Variants in KRABD4 observed in about 807,000 individuals in gnomAD.
KRABD4 encodes KRAB domain-containing protein 4.
chrX:46,456,133 G>T, the KRABD4 span: 118 of 270,807 alleles, frequency 4.4e-4, no homozygotes, highest in South Asian at 5.6e-3. Context: ...AGTTCAGGGG[G>T]TAGTTTTTCA....
the KRABD4 span, among the ~76,000 whole-genome samples, chrX:46,460,273 C>T: frequency 3.6e-5 from 4 of 110,906 alleles, no homozygotes; most frequent in Admixed American, 1.9e-4. Flanking sequence ...TACAGTTAGC[C>T]GGGTGTGGTG....
chrX:46,459,298 A>T, the KRABD4 span, among the ~76,000 whole-genome samples: 1 of 95,976 alleles, frequency 1.0e-5, no homozygotes, highest in South Asian at 5.5e-4. Context: ...TGGGCAACAG[A>T]GCGAGACTGT....
At chrX:46,458,233 C>G in the KRABD4 span, among the ~76,000 whole-genome samples, 7 of 111,834 alleles carry the variant, frequency 6.3e-5, no homozygotes, top group African/African-American at 2.3e-4. Flanking sequence ...GAATAGTATA[C>G]CATGTATCAT....
At chrX:46,461,822 G>GC in the KRABD4 span, among the ~76,000 whole-genome samples, 54 of 111,519 alleles carry the variant, frequency 4.8e-4, no homozygotes, top group East Asian at 8.8e-3. Context: ...CCCTGTGAAG[G>GC]CTGCTCTGTC....
At chrX:46,467,966 G>A in the KRABD4 span, among the ~76,000 whole-genome samples, 2 of 111,226 alleles carry the variant, frequency 1.8e-5, no homozygotes, top group African/African-American at 6.5e-5. Context: ...TATGGTTCAT[G>A]CTTTTTGTGT....
At chrX:46,470,523 T>C in the KRABD4 span, among the ~76,000 whole-genome samples, 1 of 111,275 alleles carries the variant, frequency 9.0e-6, no homozygotes, top group Non-Finnish European at 1.9e-5. Context: ...GTACCCAGAG[T>C]TTCTTCCTTT....
At chrX:46,450,939 G>C in the KRABD4 span, among the ~76,000 whole-genome samples, 1 of 110,307 alleles carries the variant, frequency 9.1e-6, no homozygotes, top group African/African-American at 3.3e-5. Flanking sequence ...CTGACCTCAA[G>C]TGATCCCCCC....
the KRABD4 span, among the ~76,000 whole-genome samples, chrX:46,460,143 G>A: frequency 8.9e-6 from 1 of 112,099 alleles, no homozygotes; most frequent in African/African-American, 3.2e-5. Context: ...GGATATTACA[G>A]GCAAAGCGCG....
chrX:46,472,681 TTAA>T, the KRABD4 span: 1 of 1,118,070 alleles, frequency 8.9e-7, no homozygotes. Flanking sequence ...CATTTAGGGA[TTAA>T]TGTTATTCCA....
the KRABD4 span, chrX:46,462,963 T>A: frequency 3.5e-6 from 4 of 1,153,089 alleles, no homozygotes; most frequent in Non-Finnish European, 4.7e-6. Context: ...CTAGGAACAA[T>A]GAGTGTGGGT....
chrX:46,467,125 G>GT, the KRABD4 span, among the ~76,000 whole-genome samples: 1 of 112,108 alleles, frequency 8.9e-6, no homozygotes, highest in Non-Finnish European at 1.9e-5. Context: ...TGTCCCTGGG[G>GT]TTTTTTTGGT....
At chrX:46,453,626 T>G in the KRABD4 span, among the ~76,000 whole-genome samples, 1 of 111,811 alleles carries the variant, frequency 8.9e-6, no homozygotes, top group Non-Finnish European at 1.9e-5. Flanking sequence ...TTAATTTTTT[T>G]TATTCAGAAC....
the KRABD4 span, chrX:46,454,490 C>T: frequency 2.7e-5 from 3 of 111,260 alleles, no homozygotes; most frequent in Non-Finnish European, 5.6e-5. Flanking sequence ...CAACACAATT[C>T]GTAAACTTTC....
the KRABD4 span, chrX:46,448,571 A>C: frequency 8.8e-6 from 1 of 113,263 alleles, no homozygotes; most frequent in Non-Finnish European, 1.9e-5. Context: ...AGACAAAGCA[A>C]AGCTGGCTCA....
the KRABD4 span, chrX:46,450,593 C>G: frequency 7.8e-6 from 5 of 642,437 alleles, no homozygotes; most frequent in African/African-American, 4.4e-5. Flanking sequence ...TTCTATTCAA[C>G]TTGTTCTCAA....
At chrX:46,469,514 A>G in the KRABD4 span, among the ~76,000 whole-genome samples, 7 of 112,211 alleles carry the variant, frequency 6.2e-5, no homozygotes, top group South Asian at 2.6e-3. Context: ...GCTAGTTTAT[A>G]GAAGTGTAAT....
At chrX:46,464,932 AG>A in the KRABD4 span, among the ~76,000 whole-genome samples, 1 of 45,396 alleles carries the variant, frequency 2.2e-5, no homozygotes, top group African/African-American at 1.1e-4. Flanking sequence ...TCCCAAGGGC[AG>A]CTTCTTCTAA....
At chrX:46,457,973 C>T in the KRABD4 span, among the ~76,000 whole-genome samples, 1 of 111,278 alleles carries the variant, frequency 9.0e-6, no homozygotes, top group Non-Finnish European at 1.9e-5. Flanking sequence ...AACTCCTGAC[C>T]TCAAGTGGTC....
chrX:46,464,914 A>G, the KRABD4 span, among the ~76,000 whole-genome samples: 1 of 69,213 alleles, frequency 1.4e-5, no homozygotes, highest in African/African-American at 6.1e-5. Context: ...TGCATTCCCA[A>G]TCACACCTCC....
Sources: gnomAD v4.1 joint callset for allele counts (sites outside exome capture counted in the v4.1 genomes callset) on GRCh38, gnomAD v4.1.1 for gene constraint, MANE v1.5 for transcripts, NCBI Gene and HGNC (gene_info 2026-07-23, HGNC 2026-07-21) for gene names.